Variants in PRKAG2 observed in about 807,000 individuals in gnomAD.
PRKAG2 encodes the protein protein kinase AMP-activated non-catalytic subunit gamma 2.
In PRKAG2, 26 loss-of-function variants were observed where a neutral mutation model predicts 69.6. The observed-to-expected ratio is 0.37, with a 90% confidence interval of 0.27 to 0.52. The LOEUF (loss-of-function observed/expected upper bound fraction) is 0.52. Ranked by LOEUF, PRKAG2 falls within the 20% of genes least tolerant of loss-of-function variation. PRKAG2 has a pLI of 0.90. For missense variants in PRKAG2, 557 were observed against 740.0 expected (o/e 0.75, Z 2.87); for synonymous variants, 293 against 285.0 (o/e 1.03, Z -0.28).
At chr7:151,796,721 C>T (rs764062096) in intron 1 of PRKAG2, among the ~76,000 whole-genome samples, 3 of 152,100 alleles carry the variant, frequency 2.0e-5, no homozygotes, top group Admixed American at 6.5e-5. Flanking sequence ...CCTTCCCCTT[C>T]GCAGAGCTGA....
At chr7:151,768,421 G>A (rs2075850425) in intron 3 of PRKAG2, among the ~76,000 whole-genome samples, 1 of 152,094 alleles carries the variant, frequency 6.6e-6, no homozygotes, top group East Asian at 1.9e-4. Context: ...CATCAATAAA[G>A]TTTAGAACTC....
At chr7:151,795,877 A>G (rs2077496535) in intron 1 of PRKAG2, among the ~76,000 whole-genome samples, 1 of 114,952 alleles carries the variant, frequency 8.7e-6, no homozygotes, top group African/African-American at 3.5e-5. Context: ...ATATATATAT[A>G]TATATATATA....
intron 3 of PRKAG2, among the ~76,000 whole-genome samples, chr7:151,709,977 C>T (rs1401157733): frequency 6.6e-6 from 1 of 152,180 alleles, no homozygotes; most frequent in Non-Finnish European, 1.5e-5. Flanking sequence ...CTTCGCCTTC[C>T]AGAGGGCTTT....
rs2151236419 is a variant in PRKAG2 at position 151,614,759 on chromosome 7, A to G, written c.754+17310T>C. Among the ~76,000 whole-genome samples, 1 of 152,298 alleles carries G rather than the reference A, an allele frequency of 6.6e-6. No individual in the cohort carries two copies. Among genetic ancestry groups the G allele is most frequent in the African/African-American group, 2.4e-5 (1 of 41,562 alleles). On this transcript the variant is annotated intron_variant, in intron 5 of 15. Transcript: ENST00000287878. This position sits in a 1 kb window ranked among gnomAD's most constrained non-coding sequence, Gnocchi z 4.4. ...CTCCACCTGGGCCTTCTGAGTCCCC[A>G]TCACCAGCAACCACCTGGCACTAAT... is the stretch of plus-strand genomic sequence containing the variant.
intron 4 of PRKAG2, among the ~76,000 whole-genome samples, chr7:151,657,918 G>A: frequency 6.6e-6 from 1 of 152,256 alleles, no homozygotes; most frequent in South Asian, 2.1e-4. Flanking sequence ...AGCACTTTGG[G>A]AGGCCAAGGC....
intron 5 of PRKAG2, among the ~76,000 whole-genome samples, chr7:151,621,091 T>C (rs1310730718): frequency 2.0e-5 from 3 of 152,264 alleles, no homozygotes; most frequent in Non-Finnish European, 4.4e-5. Flanking sequence ...TATTCGGCTT[T>C]TAATCCTGCA....
chr7:151,812,922 C>T (rs1390525442), intron 1 of PRKAG2, among the ~76,000 whole-genome samples: 3 of 112,100 alleles, frequency 2.7e-5, no homozygotes, highest in Non-Finnish European at 5.3e-5. Context: ...TCAAGGCCTA[C>T]TACTGCTGGG....
intron 3 of PRKAG2, among the ~76,000 whole-genome samples, chr7:151,684,839 C>T (rs1218814886): frequency 1.3e-5 from 2 of 152,184 alleles, no homozygotes; most frequent in Non-Finnish European, 2.9e-5. Flanking sequence ...CACAGTCAGC[C>T]ACAATGCACT....
At chr7:151,707,123 T>TCAGA (rs144417310) in intron 3 of PRKAG2, among the ~76,000 whole-genome samples, 44,582 of 151,906 alleles carry the variant, frequency 0.29, 7,511 homozygotes, top group East Asian at 0.74. Context: ...TAACACCTGG[T>TCAGA]CAGAGGACAA....
At chr7:151,862,453 G>A (rs2079955254) in intron 1 of PRKAG2, among the ~76,000 whole-genome samples, 1 of 152,170 alleles carries the variant, frequency 6.6e-6, no homozygotes, top group African/African-American at 2.4e-5. Flanking sequence ...GGGTCGTCGA[G>A]TTAACTAAGC....
At chr7:151,650,606 G>C (rs1828332310) in intron 4 of PRKAG2, among the ~76,000 whole-genome samples, 1 of 152,170 alleles carries the variant, frequency 6.6e-6, no homozygotes. Context: ...GGAGTCTACA[G>C]GTGGAAACTT....
At position 151,688,045 on chromosome 7, in the gene PRKAG2, C is replaced by CCCCCCT. The variant is rs1554539833; in HGVS notation, c.467-12409_467-12408insAGGGGG. On this transcript the variant is annotated intron_variant, in intron 3 of 15. Transcript: ENST00000287878. ...AGGAGGAGGAGGAGGAAATGAGGCCCCCCCCCGGGCTCCTTGCTGAGTCAG... is the reference window on the plus strand; with the variant it reads ...AGGAGGAGGAGGAGGAAATGAGGCCCCCCCCTCCCCCCGGGCTCCTTGCTGAGTCAG... Among the ~76,000 whole-genome samples, 2 of 107,798 alleles carry CCCCCCT rather than the reference C, an allele frequency of 1.9e-5. 1 individual carries two copies. Among genetic ancestry groups the CCCCCCT allele is most frequent in the Admixed American group, 1.6e-4 (2 of 12,124 alleles). The allele number at this position is 107,798 out of a possible 152,430, so 70.7% of individuals were successfully genotyped here.
chr7:151,696,645 A>G (rs1158148125), intron 3 of PRKAG2, among the ~76,000 whole-genome samples: 1 of 152,234 alleles, frequency 6.6e-6, no homozygotes, highest in Non-Finnish European at 1.5e-5. Flanking sequence ...ACCCACCATC[A>G]TCAAACTTTC....
At chr7:151,745,881 C>T (rs571235913) in intron 3 of PRKAG2, among the ~76,000 whole-genome samples, 81 of 152,274 alleles carry the variant, frequency 5.3e-4, no homozygotes, top group African/African-American at 1.8e-3. Flanking sequence ...ACCCTGCAGT[C>T]GCTCAGTGTC....
At chr7:151,864,756 A>G (rs2080020288) in intron 1 of PRKAG2, among the ~76,000 whole-genome samples, 1 of 152,034 alleles carries the variant, frequency 6.6e-6, no homozygotes, top group South Asian at 2.1e-4. Context: ...GACACTCTTA[A>G]AAGTCCAGCT....
intron 1 of PRKAG2, among the ~76,000 whole-genome samples, chr7:151,832,595 T>TGGG (rs34839120): frequency 0.056 from 7,847 of 141,258 alleles, 423 homozygotes; most frequent in East Asian, 0.25. Flanking sequence ...GAGGCATCTC[T>TGGG]GGGGGGGGGG....
At chr7:151,678,145 C>T (rs1255454573) in intron 3 of PRKAG2, among the ~76,000 whole-genome samples, 2 of 152,164 alleles carry the variant, frequency 1.3e-5, no homozygotes, top group African/African-American at 4.8e-5. Flanking sequence ...TCCTGTCCCT[C>T]GTGTCACCAA....
At chr7:151,673,245 CTG>C (rs934009438) in intron 4 of PRKAG2, among the ~76,000 whole-genome samples, 3 of 152,198 alleles carry the variant, frequency 2.0e-5, no homozygotes, top group African/African-American at 7.2e-5. Flanking sequence ...CGTCAAACCA[CTG>C]TCTCTTCTTA....
At chr7:151,795,875 ATATATATATATAT>A (rs2077496191) in intron 1 of PRKAG2, among the ~76,000 whole-genome samples, 1 of 115,396 alleles carries the variant, frequency 8.7e-6, no homozygotes, top group Admixed American at 1.0e-4. Context: ...ATATATATAT[ATATATATATATAT>A]ATCACGATAA....
Sources: gnomAD v4.1 joint callset for allele counts (sites outside exome capture counted in the v4.1 genomes callset) on GRCh38, gnomAD v4.1.1 for gene constraint, Gnocchi (gnomAD v3.1) non-coding constraint, MANE v1.5 for transcripts, NCBI Gene and HGNC (gene_info 2026-07-23, HGNC 2026-07-21) for gene names.